Variants in MIER2 observed in about 807,000 individuals in gnomAD.
MIER2 encodes MIER family member 2, also known as mesoderm induction early response protein 2.
Under a neutral mutation model 67.6 loss-of-function variants are expected in MIER2, and 30 were observed. The ratio of observed to expected loss-of-function variants is 0.44; its 90% confidence interval spans 0.33 to 0.60. MIER2 has a LOEUF of 0.60. Among genes scored for constraint, MIER2 ranks in the 20% least tolerant of loss-of-function variants. The pLI, the probability that MIER2 is intolerant of heterozygous loss-of-function variation, is 0.02. For synonymous variants in MIER2, 372 were observed against 312.6 expected (o/e 1.19, Z -2.00); for missense variants, 702 against 745.1 (o/e 0.94, Z 0.67).
In MIER2 at chr19:311,742, G is replaced by A. The variant is rs1029700931; in HGVS notation, c.984+103C>T. ...CGGTGAGGAGGCGGACACAGGACAC[G>A]GGGCTCCAGGCCTCCAGTCGGCCGT... is the stretch of plus-strand genomic sequence containing the variant. On this transcript the variant is annotated intron_variant, in intron 10 of 13. Coordinates refer to ENST00000264819, the MANE Select transcript of MIER2 (RefSeq NM_017550.3). 35 of 1,109,306 alleles carry A rather than the reference G, an allele frequency of 3.2e-5. 1 individual carries two copies. Among genetic ancestry groups the A allele is most frequent in the Middle Eastern group, 4.1e-4 (2 of 4,852 alleles). The allele number at this position is 1,109,306 out of a possible 1,614,324, so 68.7% of individuals were successfully genotyped here.
In MIER2 at chr19:344,793, G is replaced by A. The variant is rs1280722042; in HGVS notation, c.-11C>T. 2 of 1,198,216 alleles carry A rather than the reference G, an allele frequency of 1.7e-6. No individual in the cohort carries two copies. Among genetic ancestry groups the A allele is most frequent in the East Asian group, 3.5e-5 (1 of 28,730 alleles). The allele number at this position is 1,198,216 out of a possible 1,614,324, so 74.2% of individuals were successfully genotyped here. A position where few individuals can be genotyped will look rare whatever the true frequency, so the allele number is the denominator to read the frequency against. On this transcript the variant is annotated 5_prime_UTR_variant, in exon 1 of 14. Transcript: ENST00000264819. ...ACTCACCTCCGCCATGGCCGTGTGTGCGCGGGAGGCGGTGGCCGCGCCGGG... is the reference window on the plus strand; with the variant it reads ...ACTCACCTCCGCCATGGCCGTGTGTACGCGGGAGGCGGTGGCCGCGCCGGG...
intron 3 of MIER2, among the ~76,000 whole-genome samples, chr19:332,101 T>A (rs1193346898): frequency 6.6e-6 from 1 of 152,158 alleles, no homozygotes; most frequent in African/African-American, 2.4e-5. Context: ...TTTATTTTCA[T>A]AAAAATATTT....
At chr19:310,590 CAGAAACACAGCCGGGAGCTAT>C (rs1568216536) in intron 10 of MIER2, among the ~76,000 whole-genome samples, 2 of 96,724 alleles carry the variant, frequency 2.1e-5, no homozygotes, top group East Asian at 2.6e-4. Context: ...CCGGGAGCTG[CAGAAACACAGCCGGGAGCTAT>C]AGAAACACAG....
At position 327,865 on chromosome 19, in the gene MIER2, T is replaced by C; in HGVS notation, c.368A>G (p.Lys123Arg). The change falls in exon 4 of 14, where the codon AAA becomes AGA. Residue 123 changes from lysine to arginine, a missense_variant and splice_region_variant. By Grantham distance (26) the Lys-to-Arg change is conservative. This residue lies in a region of MIER2 where 320 missense variants were observed against 292.6 expected (regional missense o/e 1.09). Transcript: ENST00000264819. ...GTTCCAGGAAGGGCCCTCACTTACT[T>C]TGTCCAGGGTCATGTCTGGGAGGTT... ...APNLPDMTLD[K>R]EQIAKDLLSG... The C allele has an allele frequency of 6.2e-7, 1 of 1,611,212 alleles. No individual in the cohort carries two copies. The highest frequency in any genetic ancestry group is 2.2e-5 in the East Asian group (1 of 44,508).
Position 326,576 on chromosome 19 carries a change from G to A in MIER2, c.516C>T (p.Asp172=). The part of the protein sequence containing the change: ...RSGSRFLADE[D]REPGSSASSD... Reference sequence around the variant, plus strand: ...AGGAGGCAGAAGAGCCAGGCTCTCTGTCTTCATCAGCCAGGAAACGAGCTT... The same window carrying A: ...AGGAGGCAGAAGAGCCAGGCTCTCTATCTTCATCAGCCAGGAAACGAGCTT... The change falls in exon 6 of 14, where the codon GAC becomes GAT. Residue 172 remains aspartate (D), a synonymous_variant. Coordinates refer to ENST00000264819, the MANE Select transcript of MIER2 (RefSeq NM_017550.3). The A allele has an allele frequency of 6.2e-7, 1 of 1,614,138 alleles. No individual in the cohort carries two copies. Among genetic ancestry groups the A allele is most frequent in the Non-Finnish European group, 8.5e-7 (1 of 1,179,956 alleles).
chr19:322,040 G>C (rs1971526614), intron 7 of MIER2, among the ~76,000 whole-genome samples: 2 of 152,114 alleles, frequency 1.3e-5, no homozygotes, highest in Non-Finnish European at 2.9e-5. Flanking sequence ...AAGTAGCTGG[G>C]ACTACAGGTG....
intron 1 of MIER2, among the ~76,000 whole-genome samples, chr19:337,201 A>G (rs1028872673): frequency 6.6e-6 from 1 of 152,230 alleles, no homozygotes; most frequent in African/African-American, 2.4e-5. Flanking sequence ...AACTGAATCC[A>G]GCAACACATA....
Position 313,647 on chromosome 19 carries a change from C to T in MIER2, c.656-4G>A. ...AGCTGGTCTTCGTTCTCGTAGACTG[C>T]ACAAGCAGAGGGCAAAGGTCAGCTT... On this transcript the variant is annotated splice_polypyrimidine_tract_variant and splice_region_variant and intron_variant, in intron 7 of 13. Transcript: ENST00000264819. 1.2e-6 allele frequency: 2 copies of T among 1,609,214 alleles called. No individual in the cohort carries two copies. Among genetic ancestry groups the T allele is most frequent in the Admixed American group, 1.7e-5 (1 of 59,880 alleles).
intron 8 of MIER2, 112 bp downstream of exon 8, chr19:313,380 G>A (rs1971100065): frequency 4.7e-6 from 7 of 1,500,384 alleles, no homozygotes; most frequent in Non-Finnish European, 6.2e-6. Context: ...CCACACACCT[G>A]ACCCCTGCCC....
intron 6 of MIER2, among the ~76,000 whole-genome samples, chr19:326,278 C>T (rs553081413): frequency 8.6e-5 from 13 of 151,226 alleles, no homozygotes; most frequent in African/African-American, 3.2e-4. Context: ...GGGGAGACGG[C>T]AGAACCACAG....
chr19:308,318 G>C lies in MIER2; in HGVS notation c.1198+259C>G, dbSNP rs577133560. ...GGTAAATACCCCAACCTCACCATAC[G>C]GGGCTCCCCAGCAGTGGGGCCACAT... On this transcript the variant is annotated intron_variant, in intron 12 of 13. Coordinates refer to ENST00000264819, the MANE Select transcript of MIER2 (RefSeq NM_017550.3). This position sits in a 1 kb window ranked among gnomAD's most constrained non-coding sequence, Gnocchi z 9.1. Among the ~76,000 whole-genome samples the C allele has an allele frequency of 6.6e-6, 1 of 152,124 alleles. No homozygotes were observed. The highest frequency in any genetic ancestry group is 1.5e-5 in the Non-Finnish European group (1 of 67,986).
intron 7 of MIER2, among the ~76,000 whole-genome samples, chr19:324,374 C>T (rs1189587899): frequency 3.6e-5 from 5 of 139,464 alleles, no homozygotes; most frequent in African/African-American, 1.4e-4. Context: ...CACACACAAC[C>T]ACACAGACGA....
At chr19:309,657 G>GACAC (rs34219771) in intron 10 of MIER2, among the ~76,000 whole-genome samples, 2 of 64,484 alleles carry the variant, frequency 3.1e-5, no homozygotes, top group Non-Finnish European at 5.3e-5. Flanking sequence ...GACGAGAAGG[G>GACAC]ACACACACAC....
chr19:320,504 G>T (rs1318109166), intron 7 of MIER2, among the ~76,000 whole-genome samples: 1 of 152,094 alleles, frequency 6.6e-6, no homozygotes, highest in East Asian at 1.9e-4. Flanking sequence ...CATTGCAGGG[G>T]TTCCCAACCC....
intron 13 of MIER2, 52 bp downstream of exon 13, chr19:307,067 G>C: frequency 6.6e-7 from 1 of 1,520,544 alleles, no homozygotes; most frequent in Non-Finnish European, 8.8e-7. Flanking sequence ...CTGAGGGCTG[G>C]GGGGACCTGG....
chr19:321,532 T>G (rs1379742087), intron 7 of MIER2, among the ~76,000 whole-genome samples: 1 of 151,862 alleles, frequency 6.6e-6, no homozygotes, highest in Non-Finnish European at 1.5e-5. Context: ...GTACTCCCAG[T>G]TACTTGGGAG....
At chr19:329,289 G>A (rs1410344813) in intron 3 of MIER2, among the ~76,000 whole-genome samples, 1 of 152,156 alleles carries the variant, frequency 6.6e-6, no homozygotes, top group East Asian at 1.9e-4. Context: ...AGGACCCCGT[G>A]GAAAGAACAG....
At chr19:325,248 C>T (rs1195096991) in intron 7 of MIER2, among the ~76,000 whole-genome samples, 2 of 152,210 alleles carry the variant, frequency 1.3e-5, no homozygotes, top group Non-Finnish European at 2.9e-5. Flanking sequence ...GGAGCAAGGC[C>T]GGGGGTGCAG....
chr19:325,777 C>T, intron 6 of MIER2, 73 bp from the exon 7 acceptor site: 5 of 1,544,432 alleles, frequency 3.2e-6, no homozygotes, highest in Non-Finnish European at 4.5e-6. Context: ...CTGCAGCGTG[C>T]TGTGGCAGGC....
Sources: allele counts gnomAD v4.1 joint callset (sites outside exome capture counted in the v4.1 genomes callset), GRCh38; gene constraint gnomAD v4.1.1; regional missense constraint gnomAD v4.1.1; non-coding constraint Gnocchi (gnomAD v3.1); transcripts MANE v1.5; gene names NCBI Gene and HGNC (gene_info 2026-07-23, HGNC 2026-07-21).